The following PARD3 variants were observed in gnomAD, a reference collection of about 807,000 sequenced individuals.
PARD3 encodes par-3 family cell polarity regulator, also known as partitioning defective 3 homolog.
PARD3 carries 75 observed loss-of-function variants against 155.4 expected under a neutral mutation model. That is an observed-to-expected ratio of 0.48 (90% CI 0.40 to 0.58). PARD3 has a LOEUF of 0.58. PARD3 is among the 20% of genes least tolerant of loss of function. The pLI, the probability that PARD3 is intolerant of heterozygous loss-of-function variation, is 0.00. For missense variants in PARD3, 1,642 were observed against 1,721.7 expected, an observed-to-expected ratio of 0.95 and a Z score of 0.82; for synonymous variants, 576 against 610.5, an observed-to-expected ratio of 0.94 and a Z score of 0.83.
chr10:34,390,772 T>C (rs1274117762), intron 7 of PARD3, among the ~76,000 whole-genome samples: 2 of 152,186 alleles, frequency 1.3e-5, no homozygotes, highest in East Asian at 1.9e-4. Flanking sequence ...CAAAAAATGA[T>C]AAAGAATATC....
rs1472921601 is a variant in PARD3 at position 34,294,241 on chromosome 10, C to A, written c.3066-9996G>T. On this transcript the variant is annotated intron_variant, in intron 20 of 24. Coordinates refer to ENST00000374788, the MANE Select transcript of PARD3 (RefSeq NM_001184785.2). ...TTTGTTTGAGTTATAAACATCCACC[C>A]TCAATTAAATATGCATTGTGATTCA... Among the ~76,000 whole-genome samples the A allele has an allele frequency of 2.0e-5, 3 of 152,224 alleles. No homozygotes were observed. In the East Asian group the frequency reaches 5.8e-4, roughly 29 times the overall value.
intron 22 of PARD3, among the ~76,000 whole-genome samples, chr10:34,191,169 A>G (rs1244133692): frequency 6.6e-6 from 1 of 151,976 alleles, no homozygotes; most frequent in Admixed American, 6.6e-5. Flanking sequence ...AAACTCAGGT[A>G]AGAAATAAAA....
chr10:34,800,969 C>G (rs1046479768), intron 1 of PARD3, among the ~76,000 whole-genome samples: 1 of 152,340 alleles, frequency 6.6e-6, no homozygotes, highest in East Asian at 1.9e-4. Context: ...GGCCAAAACT[C>G]TTCTGCCTCG....
intron 2 of PARD3, among the ~76,000 whole-genome samples, chr10:34,627,115 C>A (rs549564151): frequency 2.6e-5 from 4 of 152,020 alleles, no homozygotes; most frequent in Non-Finnish European, 5.9e-5. Flanking sequence ...GCAGCCTTGA[C>A]CTCCTTGGCT....
At chr10:34,575,100 C>T (rs536223782) in intron 2 of PARD3, among the ~76,000 whole-genome samples, 83 of 152,290 alleles carry the variant, frequency 5.5e-4, no homozygotes, top group Middle Eastern at 3.4e-3. Flanking sequence ...CTGCCTCAAC[C>T]TCCCAAAGTG....
chr10:34,724,117 A>G (rs1166131928), intron 1 of PARD3, among the ~76,000 whole-genome samples: 1 of 152,266 alleles, frequency 6.6e-6, no homozygotes, highest in East Asian at 1.9e-4. Flanking sequence ...CAGTATATAC[A>G]TAATCCAAAA....
At chr10:34,528,304 C>G (rs143925243) in intron 2 of PARD3, among the ~76,000 whole-genome samples, 2 of 152,166 alleles carry the variant, frequency 1.3e-5, no homozygotes, top group East Asian at 3.9e-4. Context: ...AAAGCCAAAC[C>G]CTCTACTTGC....
At chr10:34,586,603 T>A (rs116410264) in intron 2 of PARD3, among the ~76,000 whole-genome samples, 2,091 of 152,062 alleles carry the variant, frequency 0.014, 57 homozygotes, top group African/African-American at 0.047. Flanking sequence ...TTAAAGAAAA[T>A]TTTGTTTCTA....
At chr10:34,330,162 G>A (rs1835463253) in intron 19 of PARD3, among the ~76,000 whole-genome samples, 1 of 152,016 alleles carries the variant, frequency 6.6e-6, no homozygotes, top group Admixed American at 6.6e-5. Context: ...ACACTAAAAG[G>A]TAAATTAGTA....
chr10:34,176,684 A>T (rs1246521461), intron 22 of PARD3, among the ~76,000 whole-genome samples: 1 of 152,192 alleles, frequency 6.6e-6, no homozygotes, highest in African/African-American at 2.4e-5. Flanking sequence ...CTTCTGGGTT[A>T]AGAGACTTAG....
chr10:34,185,454 T>C (rs929448780), intron 22 of PARD3, among the ~76,000 whole-genome samples: 1 of 152,206 alleles, frequency 6.6e-6, no homozygotes, highest in African/African-American at 2.4e-5. Context: ...TTAGTCTTCA[T>C]GTATATTAAA....
intron 22 of PARD3, among the ~76,000 whole-genome samples, chr10:34,179,836 G>C (rs1216526568): frequency 2.0e-5 from 3 of 152,022 alleles, no homozygotes; most frequent in Non-Finnish European, 4.4e-5. Flanking sequence ...ATGTCCTTTA[G>C]GAAAAAGCAA....
At chr10:34,124,867 TG>T (rs887572155) in intron 23 of PARD3, among the ~76,000 whole-genome samples, 1 of 152,158 alleles carries the variant, frequency 6.6e-6, no homozygotes, top group African/African-American at 2.4e-5. Flanking sequence ...CTTTAGTATC[TG>T]GGCTAATGGC....
intron 2 of PARD3, among the ~76,000 whole-genome samples, chr10:34,616,271 C>T (rs1475723546): frequency 3.3e-5 from 5 of 151,954 alleles, no homozygotes; most frequent in Non-Finnish European, 7.4e-5. Flanking sequence ...GAGCTAAGAT[C>T]GTGCTACTGC....
intron 12 of PARD3, among the ~76,000 whole-genome samples, chr10:34,371,023 C>T (rs959633253): frequency 5.3e-5 from 8 of 152,096 alleles, no homozygotes; most frequent in African/African-American, 1.9e-4. Context: ...TACCTATGCA[C>T]ATCATGTCAG....
chr10:34,685,492 T>C (rs1257038525), intron 2 of PARD3, among the ~76,000 whole-genome samples: 1 of 152,186 alleles, frequency 6.6e-6, no homozygotes, highest in African/African-American at 2.4e-5. Context: ...CATGTTTACT[T>C]ACGGAAATTA....
chr10:34,476,513 G>A (rs1303866778), intron 3 of PARD3, among the ~76,000 whole-genome samples: 1 of 152,100 alleles, frequency 6.6e-6, no homozygotes, highest in African/African-American at 2.4e-5. Flanking sequence ...AGGGCCCAGA[G>A]ACCACACGCT....
At chr10:34,342,449 G>T (rs755692292) in intron 15 of PARD3, among the ~76,000 whole-genome samples, 9 of 152,158 alleles carry the variant, frequency 5.9e-5, no homozygotes, top group Non-Finnish European at 1.2e-4. Context: ...GATCTTTTCT[G>T]CCAGAAGAAA....
At chr10:34,402,313 A>G (rs1464185669) in intron 5 of PARD3, among the ~76,000 whole-genome samples, 2 of 152,190 alleles carry the variant, frequency 1.3e-5, no homozygotes, top group Non-Finnish European at 2.9e-5. Context: ...TTGGAAATGC[A>G]TGTCTGAAAA....
Sources: allele counts gnomAD v4.1 joint callset (sites outside exome capture counted in the v4.1 genomes callset), GRCh38; gene constraint gnomAD v4.1.1; transcripts MANE v1.5; gene names NCBI Gene and HGNC (gene_info 2026-07-23, HGNC 2026-07-21).